Variants in FHIT observed in about 807,000 individuals in gnomAD.
FHIT encodes bis(5'-adenosyl)-triphosphatase.
Under a neutral mutation model 17.9 loss-of-function variants are expected in FHIT, and 19 were observed. That is an observed-to-expected ratio of 1.06 (90% CI 0.74 to 1.56). The LOEUF (loss-of-function observed/expected upper bound fraction) is 1.56, where lower values mean the gene tolerates loss of function less well. FHIT is among the 40% of genes most tolerant of loss of function. The pLI, the probability that FHIT is intolerant of heterozygous loss-of-function variation, is 0.00. For synonymous variants in FHIT, 81 were observed against 69.7 expected (o/e 1.16, Z -0.81); for missense variants, 248 against 189.2 (o/e 1.31, Z -1.82).
At chr3:59,944,559 C>T (rs900624051) in intron 7 of FHIT, among the ~76,000 whole-genome samples, 5 of 151,406 alleles carry the variant, frequency 3.3e-5, no homozygotes, top group African/African-American at 7.3e-5. Context: ...AGAGTTTAAG[C>T]GCAAGTTTGT....
chr3:61,247,089 A>G (rs1005906531), intron 1 of FHIT, among the ~76,000 whole-genome samples: 20 of 150,944 alleles, frequency 1.3e-4, no homozygotes, highest in Non-Finnish European at 1.3e-4. Flanking sequence ...GTGCCTCCCT[A>G]CCAGCCCCAT....
At chr3:61,243,046 G>A (rs2040409278) in intron 1 of FHIT, among the ~76,000 whole-genome samples, 1 of 152,114 alleles carries the variant, frequency 6.6e-6, no homozygotes, top group Admixed American at 6.5e-5. Context: ...TATCATCTTT[G>A]TTCCAAAGTT....
chr3:60,850,377 A>T (rs1437923501), intron 3 of FHIT, among the ~76,000 whole-genome samples: 2 of 132,748 alleles, frequency 1.5e-5, no homozygotes, highest in African/African-American at 5.6e-5. Context: ...CATGCTCTGC[A>T]TCTTTAAATC....
At chr3:61,061,583 C>A (rs1039744466) in intron 2 of FHIT, among the ~76,000 whole-genome samples, 1 of 150,654 alleles carries the variant, frequency 6.6e-6, no homozygotes, top group Non-Finnish European at 1.5e-5. Context: ...TTATTTAATT[C>A]TATTTTTAAG....
At chr3:59,909,541 G>T (rs1704766200) in intron 8 of FHIT, among the ~76,000 whole-genome samples, 1 of 152,262 alleles carries the variant, frequency 6.6e-6, no homozygotes, top group African/African-American at 2.4e-5. Flanking sequence ...CGTTGGCCAG[G>T]CTGGTCTCAA....
intron 5 of FHIT, among the ~76,000 whole-genome samples, chr3:60,033,563 G>C (rs1231846862): frequency 6.6e-6 from 1 of 152,022 alleles, no homozygotes; most frequent in East Asian, 1.9e-4. Flanking sequence ...TTGCCAATTA[G>C]GGAATTTTCG....
intron 3 of FHIT, among the ~76,000 whole-genome samples, chr3:60,974,246 C>A (rs1330350205): frequency 6.6e-6 from 1 of 152,130 alleles, no homozygotes; most frequent in East Asian, 1.9e-4. Context: ...TTTGTAATAG[C>A]CACTATCTTT....
chr3:59,878,337 G>T (rs1230364828), intron 8 of FHIT, among the ~76,000 whole-genome samples: 2 of 152,102 alleles, frequency 1.3e-5, no homozygotes, highest in African/African-American at 4.8e-5. Context: ...ATTCATATTT[G>T]ACATCCAGAG....
chr3:60,515,454 AT>A (rs1458977837), intron 5 of FHIT, among the ~76,000 whole-genome samples: 1 of 146,700 alleles, frequency 6.8e-6, no homozygotes, highest in Non-Finnish European at 1.5e-5. Flanking sequence ...AAGAAGATAA[AT>A]GCATTTCAAG....
At chr3:60,684,053 G>C (rs782779735) in intron 4 of FHIT, among the ~76,000 whole-genome samples, 1 of 152,092 alleles carries the variant, frequency 6.6e-6, no homozygotes, top group South Asian at 2.1e-4. Context: ...GATTCAGAGA[G>C]GTCAGTAGCT....
intron 4 of FHIT, among the ~76,000 whole-genome samples, chr3:60,786,561 C>T (rs782637005): frequency 2.0e-5 from 3 of 152,136 alleles, no homozygotes; most frequent in Non-Finnish European, 2.9e-5. Context: ...TAAAACGTAC[C>T]TCACAGGAAC....
chr3:59,801,144 C>T (rs1341504806), intron 8 of FHIT, among the ~76,000 whole-genome samples: 1 of 152,194 alleles, frequency 6.6e-6, no homozygotes, highest in Non-Finnish European at 1.5e-5. Context: ...TTATTGAGCA[C>T]TGTATGCCAG....
At chr3:60,490,346 T>C (rs9822030) in intron 5 of FHIT, among the ~76,000 whole-genome samples, 15,998 of 152,122 alleles carry the variant, frequency 0.11, 1,231 homozygotes, top group East Asian at 0.39. Flanking sequence ...TTATGGGTTC[T>C]GTGCACATCT....
chr3:60,883,001 A>G (rs901126231), intron 3 of FHIT, among the ~76,000 whole-genome samples: 1 of 152,210 alleles, frequency 6.6e-6, no homozygotes, highest in Admixed American at 6.5e-5. Flanking sequence ...AGAATGAGAC[A>G]ACAAAATCAG....
intron 5 of FHIT, among the ~76,000 whole-genome samples, chr3:60,361,581 G>C (rs948128437): frequency 6.6e-6 from 1 of 152,152 alleles, no homozygotes; most frequent in Non-Finnish European, 1.5e-5. Flanking sequence ...CAGGTGACAA[G>C]TTTCTTTGGG....
intron 3 of FHIT, among the ~76,000 whole-genome samples, chr3:60,955,587 CATATATATACATAT>C (rs1437596870): frequency 8.7e-5 from 2 of 22,910 alleles, no homozygotes; most frequent in South Asian, 1.7e-3. Flanking sequence ...TCTGCTTAGG[CATATATATACATAT>C]ATATATATAT....
At chr3:60,694,682 A>G (rs1454274304) in intron 4 of FHIT, among the ~76,000 whole-genome samples, 1 of 152,222 alleles carries the variant, frequency 6.6e-6, no homozygotes, top group Non-Finnish European at 1.5e-5. Flanking sequence ...CATCAATGAT[A>G]GACTGGATTA....
chr3:60,417,531 A>G (rs1302398009), intron 5 of FHIT, among the ~76,000 whole-genome samples: 2 of 152,214 alleles, frequency 1.3e-5, no homozygotes, highest in East Asian at 1.9e-4. Flanking sequence ...CAAAGAAAAT[A>G]TAATAGAAAA....
chr3:60,500,129 G>T (rs2034463420), intron 5 of FHIT, among the ~76,000 whole-genome samples: 1 of 152,124 alleles, frequency 6.6e-6, no homozygotes, highest in Non-Finnish European at 1.5e-5. Context: ...GCAAATGACG[G>T]CCCTAGAGCC....
Sources: gnomAD v4.1 joint callset for allele counts (sites outside exome capture counted in the v4.1 genomes callset) on GRCh38, gnomAD v4.1.1 for gene constraint, MANE v1.5 for transcripts, NCBI Gene and HGNC (gene_info 2026-07-23, HGNC 2026-07-21) for gene names.